AQR: variants seen among roughly 807,000 people sequenced by gnomAD.
AQR encodes the protein RNA helicase aquarius.
AQR carries 61 observed loss-of-function variants against 180.5 expected under a neutral mutation model. The observed-to-expected ratio is 0.34, with a 90% CI of 0.28 to 0.42. AQR has a LOEUF of 0.42. AQR is among the 10% of genes least tolerant of loss of function. The probability of loss-of-function intolerance (pLI) is 1.00; values close to 1 mark genes in which losing one functional copy is unlikely to be tolerated. For synonymous variants in AQR, 551 were observed against 588.8 expected, an observed-to-expected ratio of 0.94 and a Z score of 0.93; for missense variants, 1,281 against 1,798.3, an observed-to-expected ratio of 0.71 and a Z score of 5.20.
intron 17 of AQR, among the ~76,000 whole-genome samples, chr15:34,907,484 ATAAATG>A (rs1893435901): frequency 6.6e-6 from 1 of 152,270 alleles, no homozygotes; most frequent in Non-Finnish European, 1.5e-5. Flanking sequence ...ATTACATGAC[ATAAATG>A]TAAATGTAAA....
At chr15:34,912,640 G>A (rs539826237) in intron 16 of AQR, among the ~76,000 whole-genome samples, 172 of 150,630 alleles carry the variant, frequency 1.1e-3, no homozygotes, top group Admixed American at 1.8e-3. Context: ...CTATGGATTG[G>A]AAGGAAAAAA....
Position 34,887,011 on chromosome 15 carries a change from G to A in AQR, c.2682-350C>T, listed in dbSNP as rs1456705510. On this transcript the variant is annotated intron_variant, in intron 24 of 34. Coordinates refer to ENST00000156471, the MANE Select transcript of AQR (RefSeq NM_014691.3). The stretch of plus-strand genomic sequence containing the variant: ...ATGGTGGCGGGCACCTGTAGTCCCA[G>A]CTACTTGGGAGGCCGAGGCAAGAGA... Among the ~76,000 whole-genome samples, 4 of 152,114 alleles carry A rather than the reference G, an allele frequency of 2.6e-5. No homozygotes were observed. The East Asian group carries it at 7.7e-4, about 29-fold the overall frequency.
chr15:34,887,975 C>T (rs1176457255), intron 24 of AQR, among the ~76,000 whole-genome samples: 1 of 152,084 alleles, frequency 6.6e-6, no homozygotes, highest in African/African-American at 2.4e-5. Context: ...TAATAAAATG[C>T]CAAAATTTTT....
chr15:34,886,463 T>A, intron 25 of AQR, 63 bp downstream of exon 25: 1 of 1,520,394 alleles, frequency 6.6e-7, no homozygotes, highest in African/African-American at 1.4e-5. Context: ...AAGAACTCAT[T>A]CCAGCTTCCA....
intron 30 of AQR, among the ~76,000 whole-genome samples, 180 bp downstream of exon 30, chr15:34,873,648 G>T (rs1049717534): frequency 2.0e-5 from 3 of 152,074 alleles, no homozygotes; most frequent in East Asian, 3.9e-4. Context: ...TTTCTAGTTT[G>T]TTTAGTTTCT....
chr15:34,870,669 C>T, intron 31 of AQR, 83 bp downstream of exon 31: 1 of 1,173,418 alleles, frequency 8.5e-7, no homozygotes. Flanking sequence ...AAAGAGATAG[C>T]AAAGAGGCAA....
intron 9 of AQR, among the ~76,000 whole-genome samples, chr15:34,937,021 T>C (rs1236099479): frequency 1.3e-5 from 2 of 152,126 alleles, no homozygotes; most frequent in Non-Finnish European, 2.9e-5. Context: ...GACTTAAGAT[T>C]ATAAGCATAA....
intron 3 of AQR, among the ~76,000 whole-genome samples, chr15:34,955,886 T>C (rs1003891510): frequency 5.0e-5 from 7 of 140,852 alleles, no homozygotes; most frequent in African/African-American, 1.3e-4. Context: ...TCCAGCCTGG[T>C]GACAACAGCG....
intron 4 of AQR, among the ~76,000 whole-genome samples, chr15:34,950,360 T>C (rs527741495): frequency 5.3e-5 from 8 of 152,244 alleles, no homozygotes; most frequent in African/African-American, 1.9e-4. Context: ...AGTGCTGGGA[T>C]TACAGGTGTA....
intron 34 of AQR, among the ~76,000 whole-genome samples, chr15:34,857,428 T>C (rs1201264419): frequency 6.6e-6 from 1 of 152,244 alleles, no homozygotes; most frequent in Non-Finnish European, 1.5e-5. Flanking sequence ...ATTATAAAAC[T>C]AACTCAAGAA....
At chr15:34,890,151 T>C in intron 24 of AQR, 64 bp downstream of exon 24, 1 of 1,392,612 alleles carries the variant, frequency 7.2e-7, no homozygotes. Flanking sequence ...TCTTCTTTAA[T>C]AAAAGAAATG....
At chr15:34,905,228 T>A (rs567849560) in intron 18 of AQR, among the ~76,000 whole-genome samples, 1 of 152,028 alleles carries the variant, frequency 6.6e-6, no homozygotes, top group African/African-American at 2.4e-5. Context: ...AACTTAATCA[T>A]CAGCAGTTTA....
At chr15:34,879,450 C>T (rs747849805) in intron 27 of AQR, among the ~76,000 whole-genome samples, 1 of 152,188 alleles carries the variant, frequency 6.6e-6, no homozygotes, top group Non-Finnish European at 1.5e-5. Context: ...ACTGCGCATG[C>T]TTGAAGATTT....
rs1419025172 is a variant in AQR at position 34,930,481 on chromosome 15, AACTC to A, written c.901-114_901-111del. On this transcript the variant is annotated intron_variant, in intron 11 of 34. Coordinates refer to ENST00000156471, the MANE Select transcript of AQR (RefSeq NM_014691.3). The stretch of plus-strand genomic sequence containing the variant: ...TACAGTTTCTCAGAGGTGCTGAAAA[AACTC>A]AGGAATGTAAACATTACAAAAAAGA... The A allele has an allele frequency of 6.8e-5, 41 of 601,866 alleles. 2 individuals are homozygous for A. The South Asian group carries it at 7.8e-4, about 11-fold the overall frequency. 37.3% of individuals were successfully genotyped at this position (601,866 alleles called of 1,614,324 possible).
rs1401868276 is a variant in AQR at position 34,969,741 on chromosome 15, A to C, written c.-128T>G. ...GCGCCGCACAAACGCTCCGGGCCGGATATCCTCAGCCTTCAGAGTCCCGTA... is the reference window on the plus strand; with the variant it reads ...GCGCCGCACAAACGCTCCGGGCCGGCTATCCTCAGCCTTCAGAGTCCCGTA... On this transcript the variant is annotated 5_prime_UTR_variant, in exon 1 of 35. Transcript: ENST00000156471. 1.1e-6 allele frequency: 1 copy of C among 918,502 alleles called. No homozygotes were observed. Among genetic ancestry groups the C allele is most frequent in the Non-Finnish European group, 1.6e-6 (1 of 622,294 alleles). 56.9% of individuals were successfully genotyped at this position (918,502 alleles called of 1,614,324 possible). A position where few individuals can be genotyped will look rare whatever the true frequency, so the allele number is the denominator to read the frequency against.
intron 4 of AQR, among the ~76,000 whole-genome samples, chr15:34,949,925 C>G (rs1198491734): frequency 6.7e-6 from 1 of 149,470 alleles, no homozygotes; most frequent in Admixed American, 6.7e-5. Context: ...ATGACTGTGC[C>G]ACTGTACTCC....
chr15:34,919,442 T>C (rs1313432944), intron 14 of AQR, among the ~76,000 whole-genome samples: 1 of 152,142 alleles, frequency 6.6e-6, no homozygotes, highest in Non-Finnish European at 1.5e-5. Context: ...GGAAATCCTT[T>C]AGGGAAGGGA....
chr15:34,947,301 G>A (rs2140500794), intron 5 of AQR, among the ~76,000 whole-genome samples: 1 of 151,538 alleles, frequency 6.6e-6, no homozygotes, highest in South Asian at 2.1e-4. Flanking sequence ...TTAAACAGAT[G>A]CTTGAAGGCA....
intron 19 of AQR, among the ~76,000 whole-genome samples, chr15:34,901,500 T>C (rs1893331528): frequency 6.6e-6 from 1 of 152,106 alleles, no homozygotes; most frequent in Non-Finnish European, 1.5e-5. Context: ...TCAAAAATAA[T>C]TACAAAAAGC....
Sources: gnomAD v4.1 joint callset for allele counts (sites outside exome capture counted in the v4.1 genomes callset) on GRCh38, gnomAD v4.1.1 for gene constraint, MANE v1.5 for transcripts, NCBI Gene and HGNC (gene_info 2026-07-23, HGNC 2026-07-21) for gene names.